The following PAM variants were observed in gnomAD, a reference collection of about 807,000 sequenced individuals.
PAM encodes the protein peptidylglycine alpha-amidating monooxygenase.
A neutral mutation model predicts 122.1 loss-of-function variants in PAM; 72 were observed. That is an observed-to-expected ratio of 0.59 (90% CI 0.49 to 0.72). The LOEUF (loss-of-function observed/expected upper bound fraction) is 0.72, where lower values mean the gene tolerates loss of function less well. Among genes scored for constraint, PAM ranks in the 30% least tolerant of loss-of-function variants. The pLI is 0.00. For missense variants in PAM, 1,106 were observed against 1,183.7 expected (o/e 0.93, Z 0.96); for synonymous variants, 389 against 404.4 (o/e 0.96, Z 0.46).
At chr5:102,801,772 A>ATTTTT (rs36068804) in intron 1 of PAM, among the ~76,000 whole-genome samples, 60 of 98,972 alleles carry the variant, frequency 6.1e-4, no homozygotes, top group East Asian at 1.9e-3. Flanking sequence ...GGGAAAAGGT[A>ATTTTT]TTTTTTTTTT....
intron 15 of PAM, chr5:102,989,796 T>TTAGATAGACAGATAGATAGA (rs148767388): frequency 6.8e-5 from 10 of 147,856 alleles, no homozygotes; most frequent in African/African-American, 2.5e-4. Context: ...AGATGATAGA[T>TTAGATAGACAGATAGATAGA]TAGATAGATA....
chr5:102,907,313 A>G (rs1325576884), intron 4 of PAM, among the ~76,000 whole-genome samples: 4 of 151,718 alleles, frequency 2.6e-5, no homozygotes, highest in African/African-American at 9.7e-5. Flanking sequence ...ATCCTTTTTT[A>G]TGGCTGCATA....
At chr5:102,964,118 T>A (rs1224702960) in intron 14 of PAM, among the ~76,000 whole-genome samples, 6 of 151,572 alleles carry the variant, frequency 4.0e-5, no homozygotes, top group Non-Finnish European at 8.9e-5. Context: ...AGGAAAAAAA[T>A]TCAAAGAAAG....
intron 1 of PAM, among the ~76,000 whole-genome samples, chr5:102,791,356 C>T (rs567121024): frequency 1.3e-5 from 2 of 152,006 alleles, no homozygotes; most frequent in African/African-American, 4.8e-5. Context: ...TGAGAACACC[C>T]ATTTCCCAGC....
chr5:102,926,506 G>T lies in PAM; in HGVS notation c.443-79G>T, dbSNP rs75448780. On this transcript the variant is annotated intron_variant, in intron 6 of 25. Transcript: ENST00000438793. Reference sequence around the variant, plus strand: ...ATGTTATATGTTATTTCCCTTTGGAGTTCATAGAACAGCAATTTGAGATTA... The same window carrying T: ...ATGTTATATGTTATTTCCCTTTGGATTTCATAGAACAGCAATTTGAGATTA... 33,793 of 790,172 alleles carry T rather than the reference G, an allele frequency of 0.043. 1,688 individuals carry two copies. The highest frequency in any genetic ancestry group is 0.16 in the East Asian group (6,380 of 40,390). 48.9% of individuals were successfully genotyped at this position (790,172 alleles called of 1,614,324 possible).
In PAM at chr5:102,860,455, G is replaced by A. The variant is rs1285259095; in HGVS notation, c.-373-5368G>A. The stretch of plus-strand genomic sequence containing the variant: ...GCTAGCACTTTGGAAGGGCGAGGTG[G>A]GGGAATAGCTTGTGTCCAGGAGTTT... On this transcript the variant is annotated intron_variant, in intron 1 of 25. Transcript: ENST00000438793. Among the ~76,000 whole-genome samples, 3 of 152,112 alleles carry A rather than the reference G, an allele frequency of 2.0e-5. No homozygotes were observed. The East Asian group carries it at 5.8e-4, about 29-fold the overall frequency.
intron 1 of PAM, among the ~76,000 whole-genome samples, chr5:102,772,670 A>G (rs1756124642): frequency 6.6e-6 from 1 of 152,146 alleles, no homozygotes; most frequent in African/African-American, 2.4e-5. Context: ...AGTTTATAGC[A>G]CTTATACAGC....
intron 7 of PAM, among the ~76,000 whole-genome samples, chr5:102,927,266 T>C (rs1581781757): frequency 6.6e-6 from 1 of 152,162 alleles, no homozygotes; most frequent in Admixed American, 6.5e-5. Context: ...TTCCTTACTA[T>C]AGATCGTTAG....
intron 1 of PAM, among the ~76,000 whole-genome samples, chr5:102,783,903 C>CT (rs11374963): frequency 0.024 from 3,529 of 146,774 alleles, 119 homozygotes; most frequent in African/African-American, 0.076. Context: ...CTACCCCCAT[C>CT]TTTTTTTTTT....
At chr5:102,898,167 CA>C (rs1484266205) in intron 3 of PAM, among the ~76,000 whole-genome samples, 1 of 151,496 alleles carries the variant, frequency 6.6e-6, no homozygotes, top group Non-Finnish European at 1.5e-5. Context: ...TCAGCAATAT[CA>C]TATCCCTCTC....
intron 23 of PAM, among the ~76,000 whole-genome samples, chr5:103,021,503 G>C (rs1783535000): frequency 6.6e-6 from 1 of 152,090 alleles, no homozygotes; most frequent in African/African-American, 2.4e-5. Context: ...TGTCATATAG[G>C]CCATTTCCTC....
intron 5 of PAM, among the ~76,000 whole-genome samples, chr5:102,924,218 G>T (rs1318151797): frequency 2.6e-5 from 4 of 151,994 alleles, no homozygotes; most frequent in African/African-American, 9.7e-5. Context: ...GATCATCTGA[G>T]ATCAGGAGTT....
At chr5:102,876,082 C>A (rs1421324644) in intron 3 of PAM, among the ~76,000 whole-genome samples, 1 of 152,170 alleles carries the variant, frequency 6.6e-6, no homozygotes, top group Non-Finnish European at 1.5e-5. Flanking sequence ...AGCTCTCCAC[C>A]TCACTAGATG....
chr5:102,943,659 C>G (rs951900997), intron 7 of PAM, among the ~76,000 whole-genome samples: 1 of 152,080 alleles, frequency 6.6e-6, no homozygotes, highest in Admixed American at 6.6e-5. Context: ...CTTTAAGAGG[C>G]AACACACTTA....
chr5:102,939,883 T>C (rs1754528339), intron 7 of PAM, among the ~76,000 whole-genome samples: 1 of 152,054 alleles, frequency 6.6e-6, no homozygotes, highest in South Asian at 2.1e-4. Flanking sequence ...TAGATACTGA[T>C]TTTAGGTTGA....
intron 1 of PAM, among the ~76,000 whole-genome samples, chr5:102,855,581 G>A (rs1290796405): frequency 2.6e-5 from 4 of 152,108 alleles, no homozygotes. Context: ...TTTTGTAACT[G>A]CATGGTCTGG....
chr5:102,809,698 T>C (rs771292146), intron 1 of PAM, among the ~76,000 whole-genome samples: 13 of 152,138 alleles, frequency 8.5e-5, no homozygotes, highest in African/African-American at 1.2e-4. Flanking sequence ...GATTCGCCTT[T>C]CTACAAAGAA....
At chr5:102,984,299 T>C (rs558845986) in intron 15 of PAM, among the ~76,000 whole-genome samples, 7 of 152,290 alleles carry the variant, frequency 4.6e-5, no homozygotes, top group African/African-American at 1.7e-4. Context: ...ACTGCCTTAA[T>C]GGAGAGAAAA....
intron 16 of PAM, among the ~76,000 whole-genome samples, chr5:102,993,933 TG>T (rs1774915817): frequency 6.6e-6 from 1 of 152,142 alleles, no homozygotes; most frequent in Non-Finnish European, 1.5e-5. Flanking sequence ...GGAATAAAAT[TG>T]AGTCTGTGGC....
Sources: allele counts gnomAD v4.1 joint callset (sites outside exome capture counted in the v4.1 genomes callset), GRCh38; gene constraint gnomAD v4.1.1; transcripts MANE v1.5; gene names NCBI Gene and HGNC (gene_info 2026-07-23, HGNC 2026-07-21).